Variants in WWOX observed in about 807,000 individuals in gnomAD.
WWOX encodes the protein WW domain containing oxidoreductase.
WWOX carries 69 observed loss-of-function variants against 46.2 expected under a neutral mutation model. That is an observed-to-expected ratio of 1.49 (90% CI 1.23 to 1.82). The LOEUF is 1.82. WWOX is among the 40% of genes most tolerant of loss of function. The probability of loss-of-function intolerance (pLI) is 0.00; values close to 1 mark genes in which losing one functional copy is unlikely to be tolerated. For missense variants in WWOX, 919 were observed against 542.6 expected (o/e 1.69, Z -6.89); for synonymous variants, 359 against 202.6 (o/e 1.77, Z -6.56).
In WWOX at chr16:78,877,720, A is replaced by G. The variant is rs75969610; in HGVS notation, c.1057-333888A>G. Among the ~76,000 whole-genome samples the G allele has an allele frequency of 5.8e-4, 88 of 152,284 alleles. 4 individuals carry two copies. In the East Asian group the frequency reaches 0.016, roughly 28 times the overall value. ...GAGATTTTTGTCTCTTTTGCTCACTATTGTACTTCAGGGCCTAGAGGAAGG... is the reference window on the plus strand; with the variant it reads ...GAGATTTTTGTCTCTTTTGCTCACTGTTGTACTTCAGGGCCTAGAGGAAGG... On this transcript the variant is annotated intron_variant, in intron 8 of 8. Transcript: ENST00000566780.
chr16:78,652,502 T>TATAAA (rs2046989790), intron 8 of WWOX, among the ~76,000 whole-genome samples: 2 of 151,494 alleles, frequency 1.3e-5, no homozygotes, highest in Admixed American at 6.6e-5. Flanking sequence ...TATAAAGGAC[T>TATAAA]ATAAAAAAAG....
chr16:78,805,952 C>A (rs2051023882), intron 8 of WWOX, among the ~76,000 whole-genome samples: 2 of 152,158 alleles, frequency 1.3e-5, no homozygotes, highest in South Asian at 4.1e-4. Flanking sequence ...CACCCAATGC[C>A]ACCCTATAAT....
rs749820480 is a variant in WWOX, at chr16:79,009,943, C to T, written c.1057-201665C>T. ...AGAAATTTGATAATTTGTCTATTAACGTGTGACCTTGGGCAAGTCATTGAC... is the reference window on the plus strand; with the variant it reads ...AGAAATTTGATAATTTGTCTATTAATGTGTGACCTTGGGCAAGTCATTGAC... On this transcript the variant is annotated intron_variant, in intron 8 of 8. Coordinates refer to ENST00000566780, the MANE Select transcript of WWOX (RefSeq NM_016373.4). 1.4e-4 allele frequency among the ~76,000 whole-genome samples: 22 copies of T among 152,264 alleles called. No individual in the cohort carries two copies. In the South Asian group the frequency reaches 4.1e-3, roughly 29 times the overall value.
intron 8 of WWOX, among the ~76,000 whole-genome samples, chr16:78,737,176 T>C (rs1425119883): frequency 6.6e-6 from 1 of 151,980 alleles, no homozygotes; most frequent in South Asian, 2.1e-4. Flanking sequence ...CTCGGCTCAC[T>C]ACAGCTTCCA....
Position 78,580,075 on chromosome 16 carries a change from A to ATT in WWOX, c.1056+147338_1056+147339dup, listed in dbSNP as rs397753314. Among the ~76,000 whole-genome samples the ATT allele has an allele frequency of 5.5e-3, 792 of 143,748 alleles. 10 individuals carry two copies. The highest frequency in any genetic ancestry group is 0.019 in the Middle Eastern group (5 of 262). 94.3% of individuals were successfully genotyped at this position (143,748 alleles called of 152,430 possible). On this transcript the variant is annotated intron_variant, in intron 8 of 8. Transcript: ENST00000566780. ...TTTGCTGTTTTCTTTGACAGAGGAA[A>ATT]TTTTTTTTTTTTTTTTGAGACCGAG...
chr16:78,374,780 G>A (rs1222206896), intron 5 of WWOX, among the ~76,000 whole-genome samples: 2 of 151,980 alleles, frequency 1.3e-5, no homozygotes, highest in African/African-American at 2.4e-5. Flanking sequence ...TTGATCTCCT[G>A]ACCTTGTGGT....
intron 8 of WWOX, among the ~76,000 whole-genome samples, chr16:78,652,424 A>C (rs67057396): frequency 6.7e-6 from 1 of 148,716 alleles, no homozygotes; most frequent in African/African-American, 2.5e-5. Context: ...AAAAAAAAAA[A>C]AAAAAAAGAA....
At chr16:79,132,043 A>G (rs1369934529) in intron 8 of WWOX, among the ~76,000 whole-genome samples, 2 of 151,866 alleles carry the variant, frequency 1.3e-5, no homozygotes, top group Admixed American at 1.3e-4. Flanking sequence ...TCCATAACAC[A>G]TGGGAATTAT....
chr16:79,132,127 AACACACACACACACACACACACACAC>A (rs141785224), intron 8 of WWOX, among the ~76,000 whole-genome samples: 3 of 141,486 alleles, frequency 2.1e-5, no homozygotes, highest in East Asian at 2.1e-4. Context: ...CACTTGCAGA[AACACACACACACACACACACACACAC>A]ACACACACAC....
At chr16:78,963,772 A>T (rs762200741) in intron 8 of WWOX, among the ~76,000 whole-genome samples, 30 of 152,132 alleles carry the variant, frequency 2.0e-4, no homozygotes. Flanking sequence ...TAAAGGTGCT[A>T]CTGACTTGCT....
At chr16:78,663,865 C>A (rs147140503) in intron 8 of WWOX, among the ~76,000 whole-genome samples, 1 of 152,026 alleles carries the variant, frequency 6.6e-6, no homozygotes, top group African/African-American at 2.4e-5. Flanking sequence ...GAAACACACT[C>A]GATGTGTTCA....
At chr16:78,131,333 T>G (rs947332776) in intron 4 of WWOX, among the ~76,000 whole-genome samples, 7 of 152,208 alleles carry the variant, frequency 4.6e-5, no homozygotes, top group African/African-American at 1.7e-4. Context: ...CACCTCAGCC[T>G]CCTGAGTAGC....
chr16:78,951,701 C>T (rs957121899), intron 8 of WWOX, among the ~76,000 whole-genome samples: 9 of 152,110 alleles, frequency 5.9e-5, no homozygotes, highest in South Asian at 4.1e-4. Flanking sequence ...TACCCAGTAC[C>T]GGGGAACCAG....
chr16:78,150,138 G>A (rs574010548), intron 4 of WWOX, among the ~76,000 whole-genome samples: 3 of 152,224 alleles, frequency 2.0e-5, no homozygotes, highest in South Asian at 4.1e-4. Context: ...GGGTTCCCAC[G>A]ACCATCTCCT....
chr16:79,191,701 A>G (rs1478710261), intron 8 of WWOX, among the ~76,000 whole-genome samples: 1 of 152,186 alleles, frequency 6.6e-6, no homozygotes, highest in East Asian at 1.9e-4. Context: ...AAGAATAAAT[A>G]CCACCTACCC....
At chr16:78,259,453 A>ATCTATCTAT (rs1555510204) in intron 5 of WWOX, among the ~76,000 whole-genome samples, 1 of 151,830 alleles carries the variant, frequency 6.6e-6, no homozygotes, top group Non-Finnish European at 1.5e-5. Context: ...CAGTCTGCCG[A>ATCTATCTAT]CTAGCTGGGA....
At chr16:78,825,556 C>T (rs2051629026) in intron 8 of WWOX, 1 of 530,976 alleles carries the variant, frequency 1.9e-6, no homozygotes, top group Non-Finnish European at 3.8e-6. Context: ...AAGGTGGCCC[C>T]AGAGGTCTGT....
At chr16:78,413,447 T>C (rs1352102245) in intron 6 of WWOX, among the ~76,000 whole-genome samples, 1 of 152,168 alleles carries the variant, frequency 6.6e-6, no homozygotes, top group Non-Finnish European at 1.5e-5. Context: ...AGCAATGTTT[T>C]TGGGGCAGCG....
intron 5 of WWOX, among the ~76,000 whole-genome samples, chr16:78,262,730 A>G (rs1459626549): frequency 6.6e-6 from 1 of 152,192 alleles, no homozygotes; most frequent in East Asian, 1.9e-4. Flanking sequence ...GGTCCCACAG[A>G]TGGTCTGTGA....
Sources: gnomAD v4.1 joint callset for allele counts (sites outside exome capture counted in the v4.1 genomes callset) on GRCh38, gnomAD v4.1.1 for gene constraint, MANE v1.5 for transcripts, NCBI Gene and HGNC (gene_info 2026-07-23, HGNC 2026-07-21) for gene names.